PAFAH1B1: variants seen among roughly 807,000 people sequenced by gnomAD.
PAFAH1B1 encodes platelet activating factor acetylhydrolase 1b regulatory subunit 1, also known as platelet-activating factor acetylhydrolase IB subunit beta.
A neutral mutation model predicts 57.5 loss-of-function variants in PAFAH1B1; 2 were observed. The ratio of observed to expected loss-of-function variants is 0.03; its 90% CI spans 0.01 to 0.11. The LOEUF is 0.11. Ranked by LOEUF, PAFAH1B1 falls within the 10% of genes least tolerant of loss-of-function variation. The probability of loss-of-function intolerance (pLI) is 1.00; values close to 1 mark genes in which losing one functional copy is unlikely to be tolerated. For missense variants in PAFAH1B1, 257 were observed against 512.0 expected, an observed-to-expected ratio of 0.50 and a Z score of 4.81; for synonymous variants, 152 against 169.6, an observed-to-expected ratio of 0.90 and a Z score of 0.81.
chr17:2,621,659 T>C (rs2068425572), intron 1 of PAFAH1B1, among the ~76,000 whole-genome samples: 2 of 122,066 alleles, frequency 1.6e-5, no homozygotes. Flanking sequence ...AGGGTCACCC[T>C]CTGTTGCCCA....
chr17:2,621,607 C>CTTTTTTTTTTTTTT (rs534219431), intron 1 of PAFAH1B1, among the ~76,000 whole-genome samples: 1 of 84,762 alleles, frequency 1.2e-5, no homozygotes, highest in Non-Finnish European at 2.0e-5. Flanking sequence ...GATAATCTGT[C>CTTTTTTTTTTTTTT]TTTTTTTTTT....
intron 1 of PAFAH1B1, among the ~76,000 whole-genome samples, chr17:2,594,423 C>G (rs1019082963): frequency 2.6e-5 from 4 of 152,220 alleles, no homozygotes; most frequent in Non-Finnish European, 5.9e-5. Context: ...GGAAAAGGAT[C>G]GGCCCTGCTC....
intron 2 of PAFAH1B1, among the ~76,000 whole-genome samples, chr17:2,650,597 G>A (rs1274307664): frequency 1.4e-4 from 18 of 131,668 alleles, no homozygotes; most frequent in South Asian, 1.2e-3. Flanking sequence ...GAGGTCTTGC[G>A]CCACTGCACT....
intron 9 of PAFAH1B1, among the ~76,000 whole-genome samples, chr17:2,679,349 A>G (rs911033585): frequency 3.6e-5 from 5 of 140,598 alleles, no homozygotes; most frequent in African/African-American, 7.8e-5. Context: ...TGGATGGATG[A>G]TTAAATGGAT....
chr17:2,650,512 A>G (rs1371185277), intron 2 of PAFAH1B1, among the ~76,000 whole-genome samples: 1 of 145,010 alleles, frequency 6.9e-6, no homozygotes, highest in African/African-American at 2.5e-5. Flanking sequence ...ACTCCATCTA[A>G]AAAAAAAAAA....
At chr17:2,651,406 G>A (rs1323558858) in intron 2 of PAFAH1B1, among the ~76,000 whole-genome samples, 2 of 127,936 alleles carry the variant, frequency 1.6e-5, no homozygotes, top group East Asian at 2.2e-4. Flanking sequence ...GCAAAACCCC[G>A]TCTCTACAAA....
intron 1 of PAFAH1B1, among the ~76,000 whole-genome samples, chr17:2,594,950 G>A (rs2068068934): frequency 6.6e-6 from 1 of 152,174 alleles, no homozygotes; most frequent in Non-Finnish European, 1.5e-5. Flanking sequence ...TATTTAGTAG[G>A]AGAGAGCAAG....
At chr17:2,625,069 A>G (rs1255495656) in intron 1 of PAFAH1B1, among the ~76,000 whole-genome samples, 1 of 149,128 alleles carries the variant, frequency 6.7e-6, no homozygotes, top group East Asian at 2.0e-4. Flanking sequence ...GTGGTGGGGT[A>G]CTTACCCTAG....
At chr17:2,603,495 C>G (rs1047327648) in intron 1 of PAFAH1B1, among the ~76,000 whole-genome samples, 11 of 152,034 alleles carry the variant, frequency 7.2e-5, no homozygotes, top group South Asian at 2.1e-4. Context: ...GTGGTAGATG[C>G]CTGTAATCCC....
At chr17:2,664,694 T>TCTCTCTCTCTCCC (rs1567554200) in intron 2 of PAFAH1B1, among the ~76,000 whole-genome samples, 1 of 114,462 alleles carries the variant, frequency 8.7e-6, no homozygotes, top group South Asian at 2.8e-4. Context: ...CTCTCTCTCT[T>TCTCTCTCTCTCCC]TCTCTCTCCA....
chr17:2,613,774 G>T, intron 1 of PAFAH1B1: 1 of 314,272 alleles, frequency 3.2e-6, no homozygotes. Context: ...CGCTGGGCCA[G>T]GTTCTGCTTC....
At chr17:2,613,567 C>A (rs926458047) in intron 1 of PAFAH1B1, 3 of 275,564 alleles carry the variant, frequency 1.1e-5, no homozygotes, top group Non-Finnish European at 2.2e-5. Context: ...GCTTCAACCC[C>A]GTGGTGGTCA....
At chr17:2,619,922 G>C (rs771770185) in intron 1 of PAFAH1B1, among the ~76,000 whole-genome samples, 28 of 152,128 alleles carry the variant, frequency 1.8e-4, no homozygotes, top group Non-Finnish European at 3.7e-4. Flanking sequence ...AGGACCACAG[G>C]CATGCACCAC....
At chr17:2,599,741 T>C (rs977093660) in intron 1 of PAFAH1B1, among the ~76,000 whole-genome samples, 1 of 152,150 alleles carries the variant, frequency 6.6e-6, no homozygotes, top group African/African-American at 2.4e-5. Flanking sequence ...GTATAAAAAG[T>C]GAATTAACTC....
At chr17:2,646,733 G>C (rs1221253763) in intron 2 of PAFAH1B1, among the ~76,000 whole-genome samples, 2 of 152,180 alleles carry the variant, frequency 1.3e-5, no homozygotes, top group Non-Finnish European at 2.9e-5. Context: ...ATTGGTTCAA[G>C]AAATAGTAGG....
chr17:2,633,917 C>G (rs975790525), intron 1 of PAFAH1B1, among the ~76,000 whole-genome samples: 1 of 148,710 alleles, frequency 6.7e-6, no homozygotes, highest in South Asian at 2.1e-4. Flanking sequence ...ATCTTACCAT[C>G]TGCTGTGGTT....
intron 2 of PAFAH1B1, among the ~76,000 whole-genome samples, chr17:2,653,493 C>G (rs2068895200): frequency 6.6e-6 from 1 of 151,640 alleles, no homozygotes. Flanking sequence ...ATTTTTAGAT[C>G]TTGTTAGTGA....
chr17:2,656,101 T>G (rs7225921), intron 2 of PAFAH1B1, among the ~76,000 whole-genome samples: 92,292 of 151,850 alleles, frequency 0.61, 29,573 homozygotes, highest in East Asian at 0.88. Context: ...TTTTTTTGTA[T>G]TTTTAGTAGA....
intron 1 of PAFAH1B1, among the ~76,000 whole-genome samples, chr17:2,595,437 T>TTTTTG (rs2068075055): frequency 6.7e-6 from 1 of 149,056 alleles, no homozygotes; most frequent in African/African-American, 2.5e-5. Context: ...TTTTTTTTTT[T>TTTTTG]GCTGCAGCAG....
Sources: gnomAD v4.1 joint callset for allele counts (sites outside exome capture counted in the v4.1 genomes callset) on GRCh38, gnomAD v4.1.1 for gene constraint, MANE v1.5 for transcripts, NCBI Gene and HGNC (gene_info 2026-07-23, HGNC 2026-07-21) for gene names.